The following MTX3 variants were observed in gnomAD, a reference collection of about 807,000 sequenced individuals.
MTX3 encodes metaxin-3.
A neutral mutation model predicts 42.5 loss-of-function variants in MTX3; 27 were observed. That is an observed-to-expected ratio of 0.64 (90% CI 0.47 to 0.88). The LOEUF (loss-of-function observed/expected upper bound fraction) is 0.88. Ranked by LOEUF, MTX3 falls within the 40% of genes least tolerant of loss-of-function variation. The probability of loss-of-function intolerance (pLI) is 0.00; values close to 1 mark genes in which losing one functional copy is unlikely to be tolerated. For synonymous variants in MTX3, 144 were observed against 132.9 expected, an observed-to-expected ratio of 1.08 and a Z score of -0.57; for missense variants, 378 against 367.0, an observed-to-expected ratio of 1.03 and a Z score of -0.25.
chr5:79,983,642 C>T lies in MTX3; in HGVS notation c.*42G>A. 1 of 1,403,658 alleles carries T rather than the reference C, an allele frequency of 7.1e-7. No individual in the cohort carries two copies. Among genetic ancestry groups the T allele is most frequent in the South Asian group, 1.2e-5 (1 of 86,806 alleles). The allele number at this position is 1,403,658 out of a possible 1,614,324, so 87.0% of individuals were successfully genotyped here. On this transcript the variant is annotated 3_prime_UTR_variant, in exon 9 of 9. Coordinates refer to ENST00000512528, the MANE Select transcript of MTX3 (RefSeq NM_001363818.2). ...TTCACACACTTGGTGTAAGAGATTA[C>T]TGCAACAATCGTTTGACTTTGGCCA...
At chr5:79,987,679 C>A (rs1274877756) in intron 6 of MTX3, among the ~76,000 whole-genome samples, 1 of 152,034 alleles carries the variant, frequency 6.6e-6, no homozygotes, top group Non-Finnish European at 1.5e-5. Flanking sequence ...CATTTTTACT[C>A]ACAAATGTTA....
In MTX3 at chr5:79,988,267, C is replaced by A; in HGVS notation, c.553G>T (p.Gly185Ter). Residue 185 changes from glycine to a stop codon, truncating the protein, a stop_gained, in exon 6 of 9, where the codon GGA becomes TGA. Transcript: ENST00000512528. LOFTEE classifies it high-confidence loss of function. ...ECLNLLSNRL[G>*]TSQFFFGDTP... ...TCTCCAAAGAAAAACTGAGATGTTC[C>A]CAATCTGTTTGATAGAAGATTTAGG... The A allele has an allele frequency of 1.3e-6, 2 of 1,552,920 alleles. No individual in the cohort carries two copies. Among genetic ancestry groups the A allele is most frequent in the Admixed American group, 1.9e-5 (1 of 51,992 alleles).
Position 79,987,072 on chromosome 5 carries a change from A to C in MTX3, c.617T>G (p.Leu206Arg), listed in dbSNP as rs1160752647. The C allele has an allele frequency of 1.1e-5, 18 of 1,613,894 alleles. No individual in the cohort carries two copies. The highest frequency in any genetic ancestry group is 1.4e-5 in the Non-Finnish European group (17 of 1,179,888). Residue 206 changes from leucine to arginine, a missense_variant, in exon 7 of 9, where the codon CTT (leucine) becomes CGT (arginine). Leu to Arg is a moderately radical substitution (Grantham distance 102). Transcript: ENST00000512528. ...AAACCGTACTTTGTAAAGAGGTGCA[A>C]GAAAACCAAAAACATAGGCATCCAA... ...STLDAYVFGF[L>R]APLYKVRFPK... is the part of the protein sequence containing the mutation.
intron 8 of MTX3, 143 bp downstream of exon 8, chr5:79,985,428 G>T: frequency 1.6e-6 from 1 of 642,336 alleles, no homozygotes. Context: ...CAACTTTAGT[G>T]AAAGTATATT....
rs906727388 is a variant in MTX3, at chr5:79,988,239, G to A, written c.581C>T (p.Thr194Met). 11 of 1,517,492 alleles carry A rather than the reference G, an allele frequency of 7.2e-6. No individual in the cohort carries two copies. Among genetic ancestry groups the A allele is most frequent in the South Asian group, 6.0e-5 (5 of 83,306 alleles). 94.0% of individuals were successfully genotyped at this position (1,517,492 alleles called of 1,614,324 possible). ...LGTSQFFFGDTPSTLDAYVFG... is the reference protein window; with the variant it reads ...LGTSQFFFGDMPSTLDAYVFG... ...AAATGATTTTTAAGGGAATACTCAC[G>A]TATCTCCAAAGAAAAACTGAGATGT... The change falls in exon 6 of 9, where the codon ACG becomes ATG. Residue 194 changes from threonine (T) to methionine (M), a missense_variant and splice_region_variant. Thr to Met is a moderately conservative substitution (Grantham distance 81). Coordinates refer to ENST00000512528, the MANE Select transcript of MTX3 (RefSeq NM_001363818.2).
rs1373774559 is a variant in MTX3 at position 79,979,634 on chromosome 5, G to C, written c.*4050C>G. The C allele has an allele frequency of 2.0e-5, 3 of 152,142 alleles. No individual in the cohort carries two copies. The highest frequency in any genetic ancestry group is 4.4e-5 in the Non-Finnish European group (3 of 68,014). 9.4% of individuals were successfully genotyped at this position (152,142 alleles called of 1,614,324 possible). The stretch of plus-strand genomic sequence containing the variant: ...GGGAGAACTACCATGTCAAGGGACA[G>C]AGCTTTTTCAAAATATTTTATCCTC... On this transcript the variant is annotated 3_prime_UTR_variant, in exon 9 of 9. Coordinates refer to ENST00000512528, the MANE Select transcript of MTX3 (RefSeq NM_001363818.2).
chr5:79,984,095 AGTAAGT>A (rs1397435063), intron 8 of MTX3, among the ~76,000 whole-genome samples: 1 of 152,252 alleles, frequency 6.6e-6, no homozygotes, highest in East Asian at 1.9e-4. Flanking sequence ...GTCTTCTGAT[AGTAAGT>A]GTAAAAGCGG....
chr5:79,987,121 A>G lies in MTX3; in HGVS notation c.582-14T>C, dbSNP rs752404088. 1.9e-5 allele frequency: 30 copies of G among 1,611,984 alleles called. No individual in the cohort carries two copies. The highest frequency in any genetic ancestry group is 8.4e-5 in the Admixed American group (5 of 59,718). ...AAGGTAGAAGGCCTAGAAATAAATT[A>G]AGGATTTTTAAAGCACATAAGACAA... is the stretch of plus-strand genomic sequence containing the variant. On this transcript the variant is annotated splice_polypyrimidine_tract_variant and intron_variant, in intron 6 of 8. Coordinates refer to ENST00000512528, the MANE Select transcript of MTX3 (RefSeq NM_001363818.2).
chr5:79,990,650 A>T lies in MTX3; in HGVS notation c.95T>A (p.Phe32Tyr). The T allele has an allele frequency of 6.2e-7, 1 of 1,613,334 alleles. No individual in the cohort carries two copies. Among genetic ancestry groups the T allele is most frequent in the South Asian group, 1.1e-5 (1 of 90,942 alleles). The change falls in exon 2 of 9, where the codon TTT becomes TAT. Residue 32 changes from phenylalanine to tyrosine, a missense_variant. Transcript: ENST00000512528. ...ESLVVMAYAK[F>Y]SGAPLKVNVI... Reference sequence around the variant, plus strand: ...ATTGACTTTCAAGGGTGCACCAGAAAATTTGGCATAAGCCTGAAACAGAGT... The same window carrying T: ...ATTGACTTTCAAGGGTGCACCAGAATATTTGGCATAAGCCTGAAACAGAGT...
At chr5:79,991,099 G>A (rs115108589) in intron 1 of MTX3, 59 bp downstream of exon 1, 124 of 1,478,736 alleles carry the variant, frequency 8.4e-5, no homozygotes, top group Non-Finnish European at 1.1e-4. Context: ...GGGCAAGTCA[G>A]CCTGGCGCCT....
chr5:79,991,075 G>C, intron 1 of MTX3, 83 bp downstream of exon 1: 6 of 1,358,218 alleles, frequency 4.4e-6, no homozygotes, highest in Non-Finnish European at 6.2e-6. Flanking sequence ...ACCCCGCAGC[G>C]CAGCGGGAAA....
rs771387459 is a variant in MTX3 at position 79,979,678 on chromosome 5, C to T, written c.*4006G>A. On this transcript the variant is annotated 3_prime_UTR_variant, in exon 9 of 9. Coordinates refer to ENST00000512528, the MANE Select transcript of MTX3 (RefSeq NM_001363818.2). ...TATCCTCAGAAGTAAACCCCACTAC[C>T]ATAGAAAGAAAAAAATATAATTAGA... 11 of 151,656 alleles carry T rather than the reference C, an allele frequency of 7.3e-5. No individual in the cohort carries two copies. The highest frequency in any genetic ancestry group is 2.6e-4 in the Admixed American group (4 of 15,254). 9.4% of individuals were successfully genotyped at this position (151,656 alleles called of 1,614,324 possible).
chr5:79,991,055 G>T, intron 1 of MTX3, 103 bp downstream of exon 1: 3 of 1,188,380 alleles, frequency 2.5e-6, no homozygotes, highest in Non-Finnish European at 3.7e-6. Context: ...CAGCGGCTCG[G>T]CCCTCCTGGA....
rs540469345 is a variant in MTX3 at position 79,976,889 on chromosome 5, A to C, written c.*6795T>G. ...TATATTCACACTCGGCAAGGCTAGA[A>C]TATTGAAATTATGGCCAACATTGCT... On this transcript the variant is annotated 3_prime_UTR_variant, in exon 9 of 9. Transcript: ENST00000512528. The C allele has an allele frequency of 2.0e-5, 3 of 152,794 alleles. No individual in the cohort carries two copies. Among genetic ancestry groups the C allele is most frequent in the African/African-American group, 7.2e-5 (3 of 41,584 alleles). The allele number at this position is 152,794 out of a possible 1,614,324, so 9.5% of individuals were successfully genotyped here. A position where few individuals can be genotyped will look rare whatever the true frequency, so the allele number is the denominator to read the frequency against.
Position 79,986,940 on chromosome 5 carries a change from G to A in MTX3, c.739+10C>T. On this transcript the variant is annotated intron_variant, in intron 7 of 8. Coordinates refer to ENST00000512528, the MANE Select transcript of MTX3 (RefSeq NM_001363818.2). The stretch of plus-strand genomic sequence containing the variant: ...GCAAACAAACATTAGCTGAAAAAGA[G>A]CCAGCTTACCTCCAAGACTAAGCCT... 1 of 1,609,632 alleles carries A rather than the reference G, an allele frequency of 6.2e-7. No individual in the cohort carries two copies. Among genetic ancestry groups the A allele is most frequent in the Non-Finnish European group, 8.5e-7 (1 of 1,178,064 alleles).
At position 79,982,440 on chromosome 5, in the gene MTX3, CAG is replaced by C. The variant is rs1223167215; in HGVS notation, c.*1242_*1243del. The C allele has an allele frequency of 4.4e-6, 2 of 456,532 alleles. No homozygotes were observed. The highest frequency in any genetic ancestry group is 1.4e-4 in the East Asian group (2 of 14,396). 28.3% of individuals were successfully genotyped at this position (456,532 alleles called of 1,614,324 possible). On this transcript the variant is annotated 3_prime_UTR_variant, in exon 9 of 9. Coordinates refer to ENST00000512528, the MANE Select transcript of MTX3 (RefSeq NM_001363818.2). ...ACTTGATAAGATTTGCTGAGCACCACAGTAATCTTTTAAGACACTAATCAAAA... is the reference window on the plus strand; with the variant it reads ...ACTTGATAAGATTTGCTGAGCACCACTAATCTTTTAAGACACTAATCAAAA...
chr5:79,987,257 A>G, intron 6 of MTX3, 150 bp from the exon 7 acceptor site: 1 of 609,700 alleles, frequency 1.6e-6, no homozygotes, highest in Non-Finnish European at 2.7e-6. Flanking sequence ...CCTGGCCAAC[A>G]TGGTGAAACC....
rs1831340627 is a variant in MTX3, at chr5:79,980,155, T to C, written c.*3529A>G. The C allele has an allele frequency of 6.6e-6, 1 of 152,160 alleles. No individual in the cohort carries two copies. Among genetic ancestry groups the C allele is most frequent in the Admixed American group, 6.5e-5 (1 of 15,272 alleles). 9.4% of individuals were successfully genotyped at this position (152,160 alleles called of 1,614,324 possible). A position where few individuals can be genotyped will look rare whatever the true frequency, so the allele number is the denominator to read the frequency against. ...AAAAAATTGTAACAAGCCTGGTAAATGCATATTTTTGGAGGAGGTTCTAAG... is the reference window on the plus strand; with the variant it reads ...AAAAAATTGTAACAAGCCTGGTAAACGCATATTTTTGGAGGAGGTTCTAAG... On this transcript the variant is annotated 3_prime_UTR_variant, in exon 9 of 9. Coordinates refer to ENST00000512528, the MANE Select transcript of MTX3 (RefSeq NM_001363818.2).
chr5:79,988,473 C>T lies in MTX3; in HGVS notation c.493G>A (p.Val165Met), dbSNP rs985816555. 5.6e-6 allele frequency: 9 copies of T among 1,609,306 alleles called. No homozygotes were observed. Among genetic ancestry groups the T allele is most frequent in the Non-Finnish European group, 7.6e-6 (9 of 1,178,570 alleles). The change falls in exon 5 of 9, where the codon GTG (valine) becomes ATG (methionine). Residue 165 changes from valine (V) to methionine (M), a missense_variant. Coordinates refer to ENST00000512528, the MANE Select transcript of MTX3 (RefSeq NM_001363818.2). ...GQPPLYHLREVEAQIYRDAKE... is the reference protein window; with the variant it reads ...GQPPLYHLREMEAQIYRDAKE... ...AATCCATACTATACCTGTGCTTCCA[C>T]TTCTCGGAGGTGGTAGAGGGGAGGC...
Sources: allele counts gnomAD v4.1 joint callset (sites outside exome capture counted in the v4.1 genomes callset), GRCh38; gene constraint gnomAD v4.1.1; transcripts MANE v1.5; gene names NCBI Gene and HGNC (gene_info 2026-07-23, HGNC 2026-07-21).